TUSC3: variants seen among roughly 807,000 people sequenced by gnomAD.
TUSC3 encodes tumor suppressor candidate 3.
Under a neutral mutation model 44.8 loss-of-function variants are expected in TUSC3, and 45 were observed. The ratio of observed to expected loss-of-function variants is 1.00; its 90% CI spans 0.79 to 1.29. The LOEUF (loss-of-function observed/expected upper bound fraction) is 1.29. Ranked by LOEUF, TUSC3 falls within the 50% of genes most tolerant of loss-of-function variation. The pLI, the probability that TUSC3 is intolerant of heterozygous loss-of-function variation, is 0.00. For missense variants in TUSC3, 519 were observed against 437.9 expected (o/e 1.19, Z -1.65); for synonymous variants, 212 against 152.9 (o/e 1.39, Z -2.85).
chr8:15,793,948 G>T, the TUSC3 span, among the ~76,000 whole-genome samples: 5 of 152,162 alleles, frequency 3.3e-5, no homozygotes, highest in African/African-American at 7.2e-5. Context: ...AGTGTGGCTA[G>T]AGCAAAGTGG....
At chr8:15,533,674 A>T (rs1044002370) in intron 2 of TUSC3, among the ~76,000 whole-genome samples, 3 of 152,098 alleles carry the variant, frequency 2.0e-5, no homozygotes, top group African/African-American at 7.2e-5. Context: ...TGGAGAAAAA[A>T]CCTGAGAGGG....
the TUSC3 span, among the ~76,000 whole-genome samples, chr8:15,782,396 T>C: frequency 6.6e-6 from 1 of 152,130 alleles, no homozygotes; most frequent in Non-Finnish European, 1.5e-5. Flanking sequence ...GGAGAATCAG[T>C]TGGGCTCAGG....
intron 6 of TUSC3, among the ~76,000 whole-genome samples, chr8:15,710,030 C>A (rs1179306156): frequency 6.6e-6 from 1 of 151,850 alleles, no homozygotes; most frequent in African/African-American, 2.4e-5. Flanking sequence ...GTAGTGACAG[C>A]CTCTTCCCTC....
chr8:15,430,572 A>G (rs1239679060), intron 1 of TUSC3, among the ~76,000 whole-genome samples: 1 of 151,374 alleles, frequency 6.6e-6, no homozygotes, highest in African/African-American at 2.5e-5. Flanking sequence ...CTGGCACAAG[A>G]CAGGGATGCC....
intron 10 of TUSC3, among the ~76,000 whole-genome samples, chr8:15,759,211 A>T (rs1459898264): frequency 3.3e-5 from 5 of 152,050 alleles, no homozygotes; most frequent in African/African-American, 7.2e-5. Context: ...TCCCGTTTGC[A>T]CCTTTTTTGG....
intron 2 of TUSC3, among the ~76,000 whole-genome samples, chr8:15,648,524 A>C (rs1304999683): frequency 6.6e-6 from 1 of 151,766 alleles, no homozygotes; most frequent in Admixed American, 6.6e-5. Context: ...CAGGAGATCG[A>C]GACCATCCTG....
chr8:15,742,036 A>G (rs1407134798), intron 7 of TUSC3, among the ~76,000 whole-genome samples: 1 of 152,202 alleles, frequency 6.6e-6, no homozygotes, highest in African/African-American at 2.4e-5. Context: ...AAACACTTTA[A>G]GAATAATGGA....
chr8:15,478,423 C>G (rs145844726), intron 1 of TUSC3, among the ~76,000 whole-genome samples: 6 of 152,102 alleles, frequency 3.9e-5, no homozygotes, highest in Admixed American at 6.6e-5. Flanking sequence ...CTGGTGCTCT[C>G]TCTCCCCCAA....
chr8:15,519,016 T>C (rs1194675591), intron 2 of TUSC3, among the ~76,000 whole-genome samples: 1 of 152,196 alleles, frequency 6.6e-6, no homozygotes, highest in African/African-American at 2.4e-5. Context: ...AAATAGCATC[T>C]GCTTATACAA....
chr8:15,639,866 G>T (rs17474257), intron 2 of TUSC3, among the ~76,000 whole-genome samples: 9,755 of 142,480 alleles, frequency 0.068, 410 homozygotes, highest in Middle Eastern at 0.14. Context: ...GTCCTTTCTT[G>T]TGATAGGTTG....
At chr8:15,648,106 C>A (rs1806710793) in intron 2 of TUSC3, among the ~76,000 whole-genome samples, 1 of 152,054 alleles carries the variant, frequency 6.6e-6, no homozygotes, top group Non-Finnish European at 1.5e-5. Context: ...TTCTGTGATG[C>A]CTGTTTGAAA....
Position 15,757,855 on chromosome 8 carries a change from G to C in TUSC3, c.*46G>C, listed in dbSNP as rs1207191238. The C allele has an allele frequency of 1.4e-6, 2 of 1,380,586 alleles. No homozygotes were observed. The highest frequency in any genetic ancestry group is 2.1e-6 in the Non-Finnish European group (2 of 967,370). 85.5% of individuals were successfully genotyped at this position (1,380,586 alleles called of 1,614,324 possible). A position where few individuals can be genotyped will look rare whatever the true frequency, so the allele number is the denominator to read the frequency against. On this transcript the variant is annotated splice_region_variant and 3_prime_UTR_variant, in exon 10 of 11. Transcript: ENST00000503731. ...GGCACTTAAAAACTCTATAACCTCA[G>C]GCAAGTCTTTTAATCTTCTCTGAGC... is the stretch of plus-strand genomic sequence containing the variant.
intron 2 of TUSC3, among the ~76,000 whole-genome samples, chr8:15,505,293 C>T (rs749878193): frequency 6.6e-6 from 1 of 152,074 alleles, no homozygotes; most frequent in Non-Finnish European, 1.5e-5. Flanking sequence ...TGTCAATTGT[C>T]AAAAAGAAAA....
Position 15,521,160 on chromosome 8 carries a change from T to C in TUSC3, n.189+37677T>C, listed in dbSNP as rs976581561. 7.2e-5 allele frequency among the ~76,000 whole-genome samples: 11 copies of C among 152,264 alleles called. No homozygotes were observed. The Middle Eastern group carries it at 0.014, about 188-fold the overall frequency. On this transcript the variant is annotated intron_variant and non_coding_transcript_variant, in intron 2 of 5. Coordinates refer to the TUSC3 transcript ENST00000503191. ...CACTTCTAAGCTGCCTTTAAGCTAA[T>C]TTTCTGGCTCTTTGCCTGCCGTTTA...
intron 1 of TUSC3, among the ~76,000 whole-genome samples, chr8:15,480,931 T>A (rs897673423): frequency 6.6e-6 from 1 of 152,168 alleles, no homozygotes. Flanking sequence ...GATTGGAAAC[T>A]TAATCACCTT....
intron 6 of TUSC3, among the ~76,000 whole-genome samples, chr8:15,726,808 AAAAC>A (rs2129206556): frequency 6.6e-6 from 1 of 152,274 alleles, no homozygotes; most frequent in Admixed American, 6.5e-5. Flanking sequence ...CTTTGTCTCA[AAAAC>A]AAAAGAAAAA....
intron 1 of TUSC3, among the ~76,000 whole-genome samples, chr8:15,425,861 GA>G (rs2129116021): frequency 6.6e-6 from 1 of 152,132 alleles, no homozygotes; most frequent in East Asian, 1.9e-4. Context: ...AATTAAAATA[GA>G]AAAATAGGAC....
intron 1 of TUSC3, among the ~76,000 whole-genome samples, chr8:15,597,802 T>G (rs1804132268): frequency 6.6e-6 from 1 of 152,068 alleles, no homozygotes; most frequent in Non-Finnish European, 1.5e-5. Context: ...GATTCCGTAC[T>G]TTATCATTGG....
chr8:15,808,796 G>A, the TUSC3 span, among the ~76,000 whole-genome samples: 2 of 152,034 alleles, frequency 1.3e-5, no homozygotes. Context: ...TGAGCTCTTG[G>A]TCACCTGGAT....
Sources: gnomAD v4.1 joint callset for allele counts (sites outside exome capture counted in the v4.1 genomes callset) on GRCh38, gnomAD v4.1.1 for gene constraint, MANE v1.5 for transcripts, NCBI Gene and HGNC (gene_info 2026-07-23, HGNC 2026-07-21) for gene names.